CTNNA1: variants seen among roughly 807,000 people sequenced by gnomAD.
CTNNA1 encodes catenin alpha 1.
CTNNA1 carries 37 observed loss-of-function variants against 98.4 expected under a neutral mutation model. That is an observed-to-expected ratio of 0.38 (90% CI 0.29 to 0.49). The LOEUF is 0.49. Among genes scored for constraint, CTNNA1 ranks in the 20% least tolerant of loss-of-function variants. The pLI is 0.95. For missense variants in CTNNA1, 761 were observed against 1,147.2 expected (o/e 0.66, Z 4.86); for synonymous variants, 404 against 413.2 (o/e 0.98, Z 0.27).
At chr5:138,820,087 C>T (rs1759878343) in intron 5 of CTNNA1, among the ~76,000 whole-genome samples, 1 of 137,454 alleles carries the variant, frequency 7.3e-6, no homozygotes, top group African/African-American at 2.6e-5. Flanking sequence ...GAACCATGAG[C>T]CAATTAAACC....
At chr5:138,782,864 A>G (rs1825533839) in intron 2 of CTNNA1, among the ~76,000 whole-genome samples, 1 of 152,244 alleles carries the variant, frequency 6.6e-6, no homozygotes, top group Non-Finnish European at 1.5e-5. Context: ...CATCTTGGTG[A>G]CATATAGTAG....
chr5:138,759,917 C>T (rs950435853), intron 1 of CTNNA1, among the ~76,000 whole-genome samples: 21 of 148,358 alleles, frequency 1.4e-4, no homozygotes, highest in Non-Finnish European at 2.4e-4. Flanking sequence ...GGTGGGGAGA[C>T]TGATCTTGGT....
chr5:138,797,508 C>G (rs192057220), intron 3 of CTNNA1, among the ~76,000 whole-genome samples: 1 of 152,006 alleles, frequency 6.6e-6, no homozygotes, highest in Non-Finnish European at 1.5e-5. Context: ...TATAATTTAT[C>G]GAAGATAAGC....
chr5:138,923,246 TA>T, intron 11 of CTNNA1, among the ~76,000 whole-genome samples: 1 of 152,228 alleles, frequency 6.6e-6, no homozygotes, highest in Non-Finnish European at 1.5e-5. Flanking sequence ...TAGCTTGAAT[TA>T]TTAGAGTTTA....
chr5:138,854,464 ACT>A (rs1216882206), intron 7 of CTNNA1, among the ~76,000 whole-genome samples: 1 of 152,130 alleles, frequency 6.6e-6, no homozygotes, highest in Admixed American at 6.5e-5. Context: ...CTGTACACAC[ACT>A]CTCTTACATA....
At chr5:138,922,505 TTA>T (rs1763122799) in intron 11 of CTNNA1, among the ~76,000 whole-genome samples, 1 of 152,352 alleles carries the variant, frequency 6.6e-6, no homozygotes, top group African/African-American at 2.4e-5. Flanking sequence ...GTATGGACTG[TTA>T]TATGTATGTG....
chr5:138,804,779 T>A (rs1372216617), intron 3 of CTNNA1, among the ~76,000 whole-genome samples: 1 of 152,226 alleles, frequency 6.6e-6, no homozygotes, highest in Admixed American at 6.5e-5. Context: ...TAGCTATGTA[T>A]TAGGTTGGTG....
At chr5:138,811,352 G>A (rs7736764) in intron 4 of CTNNA1, among the ~76,000 whole-genome samples, 57,052 of 97,550 alleles carry the variant, frequency 0.58, 16,611 homozygotes, top group East Asian at 0.85. Flanking sequence ...CACTTCCTAG[G>A]TGGGATGGCG....
chr5:138,825,147 G>A (rs552435481), intron 6 of CTNNA1, among the ~76,000 whole-genome samples: 4 of 152,246 alleles, frequency 2.6e-5, no homozygotes, highest in Middle Eastern at 3.4e-3. Flanking sequence ...CTAAGTACAC[G>A]TAGGGTCAGC....
At chr5:138,925,818 A>T (rs997122841) in intron 13 of CTNNA1, among the ~76,000 whole-genome samples, 2 of 152,192 alleles carry the variant, frequency 1.3e-5, no homozygotes, top group Non-Finnish European at 2.9e-5. Context: ...GGGATGATGG[A>T]ACCCCAGGGT....
intron 7 of CTNNA1, among the ~76,000 whole-genome samples, chr5:138,867,093 A>G (rs1367599851): frequency 6.6e-6 from 1 of 152,248 alleles, no homozygotes; most frequent in Non-Finnish European, 1.5e-5. Context: ...TTATGTTAAT[A>G]AGCTCTGCTT....
At position 138,873,255 on chromosome 5, in the gene CTNNA1, A is replaced by C. The variant is rs1750863449; in HGVS notation, c.1063-12957A>C. 6.2e-7 allele frequency: 1 copy of C among 1,613,716 alleles called. No homozygotes were observed. Among genetic ancestry groups the C allele is most frequent in the Admixed American group, 1.7e-5 (1 of 59,996 alleles). On this transcript the variant is annotated intron_variant, in intron 7 of 17. Transcript: ENST00000302763. The surrounding 1 kb of genome is among the most constrained non-coding windows in gnomAD (Gnocchi z 6.1). ...GAGATGAACACTATAAAAATAATAA[A>C]AAAGAAAGAAAACAATAAAGCCATT...
At chr5:138,754,429 CA>C (rs1381044996) in intron 1 of CTNNA1, 2 of 152,020 alleles carry the variant, frequency 1.3e-5, no homozygotes, top group African/African-American at 4.8e-5. Context: ...ATCTTGGTGA[CA>C]TTTTTTTGGT....
intron 1 of CTNNA1, among the ~76,000 whole-genome samples, chr5:138,761,142 C>T (rs761050344): frequency 1.3e-5 from 2 of 152,174 alleles, no homozygotes; most frequent in Non-Finnish European, 1.5e-5. Context: ...ATTTTGTACT[C>T]TTATATTCTG....
intron 1 of CTNNA1, among the ~76,000 whole-genome samples, chr5:138,779,798 C>T (rs1487937477): frequency 6.6e-6 from 1 of 151,688 alleles, no homozygotes; most frequent in African/African-American, 2.4e-5. Flanking sequence ...TCACTGCAAC[C>T]TCCACCTCCC....
chr5:138,866,971 A>G (rs1196749240), intron 7 of CTNNA1, among the ~76,000 whole-genome samples: 3 of 152,220 alleles, frequency 2.0e-5, no homozygotes, highest in Non-Finnish European at 4.4e-5. Flanking sequence ...AATCTATTGT[A>G]TATTTGAGTG....
intron 7 of CTNNA1, among the ~76,000 whole-genome samples, chr5:138,855,275 G>A (rs879296735): frequency 2.0e-5 from 3 of 152,196 alleles, no homozygotes; most frequent in South Asian, 2.1e-4. Context: ...CTGATCTTGT[G>A]ATCTGCCCAC....
chr5:138,837,876 A>C (rs889855471), intron 7 of CTNNA1, among the ~76,000 whole-genome samples: 10 of 152,104 alleles, frequency 6.6e-5, no homozygotes, highest in African/African-American at 1.9e-4. Context: ...TGCCTGCCCC[A>C]GCCTCCCAAA....
chr5:138,869,263 T>C (rs138637677), intron 7 of CTNNA1: 12 of 152,186 alleles, frequency 7.9e-5, no homozygotes, highest in Admixed American at 3.9e-4. Flanking sequence ...GAATGAAAGC[T>C]TAAACAGTAA....
Sources: allele counts gnomAD v4.1 joint callset (sites outside exome capture counted in the v4.1 genomes callset), GRCh38; gene constraint gnomAD v4.1.1; non-coding constraint Gnocchi (gnomAD v3.1); transcripts MANE v1.5; gene names NCBI Gene and HGNC (gene_info 2026-07-23, HGNC 2026-07-21).